PRUNE2: variants seen among roughly 807,000 people sequenced by gnomAD.
PRUNE2 encodes the protein protein prune homolog 2.
In PRUNE2, 164 loss-of-function variants were observed where a neutral mutation model predicts 252.0. The observed-to-expected ratio is 0.65, with a 90% CI of 0.57 to 0.74. The LOEUF is 0.74. PRUNE2 is among the 30% of genes least tolerant of loss of function. PRUNE2 has a pLI of 0.00. For synonymous variants in PRUNE2, 1,292 were observed against 1,350.2 expected (o/e 0.96, Z 0.94); for missense variants, 3,495 against 3,711.0 (o/e 0.94, Z 1.51).
intron 6 of PRUNE2, 159 bp downstream of exon 6, chr9:76,823,473 T>C: frequency 1.6e-6 from 1 of 630,568 alleles, no homozygotes; most frequent in Non-Finnish European, 2.9e-6. Context: ...CATAGTGTTT[T>C]CACCCAAATA....
chr9:76,625,885 T>C (rs1464837351), intron 16 of PRUNE2, among the ~76,000 whole-genome samples: 1 of 152,178 alleles, frequency 6.6e-6, no homozygotes, highest in Non-Finnish European at 1.5e-5. Flanking sequence ...CTTCCAAGCA[T>C]AGGGCTGAAA....
At chr9:76,676,425 C>G (rs1362412844) in intron 9 of PRUNE2, among the ~76,000 whole-genome samples, 1 of 151,576 alleles carries the variant, frequency 6.6e-6, no homozygotes, top group Non-Finnish European at 1.5e-5. Flanking sequence ...CTAATGAAAA[C>G]TCGTTACAAA....
chr9:76,894,717 C>CAAAAAAAAAAAAAAAAA (rs113594017), intron 1 of PRUNE2, among the ~76,000 whole-genome samples: 3 of 120,648 alleles, frequency 2.5e-5, no homozygotes, highest in Admixed American at 8.4e-5. Flanking sequence ...TTTTCTGCAG[C>CAAAAAAAAAAAAAAAAA]AAAAAAAAAA....
At chr9:76,776,910 A>ACACC (rs1357019432) in intron 6 of PRUNE2, among the ~76,000 whole-genome samples, 1 of 147,046 alleles carries the variant, frequency 6.8e-6, no homozygotes, top group Admixed American at 6.9e-5. Flanking sequence ...ACACACACAC[A>ACACC]CACACACACA....
intron 6 of PRUNE2, among the ~76,000 whole-genome samples, chr9:76,815,957 T>C (rs960872733): frequency 6.6e-6 from 1 of 152,058 alleles, no homozygotes; most frequent in Non-Finnish European, 1.5e-5. Flanking sequence ...GTTCAGGAGT[T>C]TGAGACCAGC....
At chr9:76,876,373 G>C (rs115863704) in intron 1 of PRUNE2, among the ~76,000 whole-genome samples, 4,720 of 152,220 alleles carry the variant, frequency 0.031, 258 homozygotes, top group African/African-American at 0.11. Context: ...GAGGCACTGA[G>C]GGTTCCTCCT....
chr9:76,716,766 G>T (rs1415820160), intron 6 of PRUNE2, among the ~76,000 whole-genome samples: 1 of 152,070 alleles, frequency 6.6e-6, no homozygotes, highest in East Asian at 1.9e-4. Context: ...GTGCCATGGT[G>T]GTTTGCTGCA....
intron 1 of PRUNE2, 45 bp downstream of exon 1, chr9:76,905,883 G>T (rs1235633110): frequency 3.1e-6 from 5 of 1,612,754 alleles, no homozygotes; most frequent in South Asian, 1.1e-5. Context: ...CTTTCCATTA[G>T]CATACGCGCG....
chr9:76,896,185 C>A (rs932869277), intron 1 of PRUNE2, among the ~76,000 whole-genome samples: 12 of 152,212 alleles, frequency 7.9e-5, no homozygotes, highest in African/African-American at 2.7e-4. Flanking sequence ...TTTCCATCAT[C>A]CCCTTCTGAG....
intron 1 of PRUNE2, among the ~76,000 whole-genome samples, chr9:76,883,901 T>C (rs921784324): frequency 6.6e-6 from 1 of 152,182 alleles, no homozygotes; most frequent in Admixed American, 6.5e-5. Flanking sequence ...GAGTGGCTCA[T>C]AGAGTGTCTA....
intron 6 of PRUNE2, among the ~76,000 whole-genome samples, chr9:76,768,115 G>A (rs1211257739): frequency 6.6e-6 from 1 of 152,220 alleles, no homozygotes; most frequent in South Asian, 2.1e-4. Flanking sequence ...GCCTGGTGAG[G>A]AGGATCACAT....
Position 76,652,527 on chromosome 9 carries a change from A to G in PRUNE2, c.8513T>C (p.Leu2838Pro), listed in dbSNP as rs1335309156. Residue 2838 changes from leucine to proline, a missense_variant, in exon 11 of 19, where the codon CTT becomes CCT. Coordinates refer to ENST00000376718, the MANE Select transcript of PRUNE2 (RefSeq NM_015225.3). The part of the protein sequence containing the change: ...PDEIDINVDE[L>P]DTPDEADSFE... Reference sequence around the variant, plus strand: ...AGAATCTGCTTCATCGGGGGTATCAAGTTCATCCACATTGATGTCAATTTC... The same window carrying G: ...AGAATCTGCTTCATCGGGGGTATCAGGTTCATCCACATTGATGTCAATTTC... The G allele has an allele frequency of 1.2e-6, 2 of 1,613,432 alleles. No homozygotes were observed. Among genetic ancestry groups the G allele is most frequent in the Non-Finnish European group, 1.7e-6 (2 of 1,179,566 alleles).
In PRUNE2 at chr9:76,713,699, A is replaced by G; in HGVS notation, c.779T>C (p.Ile260Thr). ...TGTAAATGCTTTCAAGTCACTGGTA[A>G]TATTGCTGTGAAATAGACAATTCTG... ...NLENCLFHSN[I>T]TSDLKAFTDK... The change falls in exon 7 of 19, where the codon ATT (isoleucine) becomes ACT (threonine). Residue 260 changes from isoleucine (I) to threonine (T), a missense_variant. By Grantham distance (89) the Ile-to-Thr change is moderately conservative (BLOSUM62 -1). Coordinates refer to ENST00000376718, the MANE Select transcript of PRUNE2 (RefSeq NM_015225.3). 6.3e-7 allele frequency: 1 copy of G among 1,598,326 alleles called. No homozygotes were observed. Among genetic ancestry groups the G allele is most frequent in the East Asian group, 2.2e-5 (1 of 44,610 alleles).
At chr9:76,861,165 G>T (rs1163052620) in intron 1 of PRUNE2, among the ~76,000 whole-genome samples, 1 of 152,190 alleles carries the variant, frequency 6.6e-6, no homozygotes, top group Non-Finnish European at 1.5e-5. Context: ...GAGATGTCCA[G>T]AGGCGAGGCA....
chr9:76,653,683 A>G (rs1241325532), intron 10 of PRUNE2, among the ~76,000 whole-genome samples: 1 of 152,134 alleles, frequency 6.6e-6, no homozygotes, highest in Non-Finnish European at 1.5e-5. Context: ...TACTTCTTTT[A>G]GGTCCTGACA....
intron 6 of PRUNE2, among the ~76,000 whole-genome samples, chr9:76,727,044 C>T (rs1419439933): frequency 6.6e-6 from 1 of 152,226 alleles, no homozygotes; most frequent in African/African-American, 2.4e-5. Context: ...CAGGGTTTCT[C>T]AACCTTGGCA....
intron 4 of PRUNE2, among the ~76,000 whole-genome samples, chr9:76,837,441 A>AAATAATAATTAATAAT (rs1554798656): frequency 3.7e-5 from 5 of 134,826 alleles, no homozygotes; most frequent in African/African-American, 1.3e-4. Flanking sequence ...ACTCTGTCTC[A>AAATAATAATTAATAAT]AATAATAATA....
intron 14 of PRUNE2, 125 bp from the exon 15 acceptor site, chr9:76,636,682 A>G: frequency 1.6e-6 from 1 of 609,286 alleles, no homozygotes; most frequent in Non-Finnish European, 2.9e-6. Context: ...TCATGCCTAT[A>G]ATCCCAGCAC....
chr9:76,850,647 G>A lies in PRUNE2; in HGVS notation c.160C>T (p.Leu54=), dbSNP rs770772660. The A allele has an allele frequency of 1.2e-6, 2 of 1,613,642 alleles. No homozygotes were observed. Among genetic ancestry groups the A allele is most frequent in the South Asian group, 2.2e-5 (2 of 91,040 alleles). ...FLDKVSPPGV[L]CLPVLNIPRT... is the part of the protein sequence containing the mutation. ...GGTATGTTCAGCACTGGTAAACACAGAACCCCTGGTGGACTGACCTACCAA... is the reference window on the plus strand; with the variant it reads ...GGTATGTTCAGCACTGGTAAACACAAAACCCCTGGTGGACTGACCTACCAA... The change falls in exon 3 of 19, where the codon CTG becomes TTG. Residue 54 remains leucine, a synonymous_variant. Coordinates refer to ENST00000376718, the MANE Select transcript of PRUNE2 (RefSeq NM_015225.3).
Sources: allele counts gnomAD v4.1 joint callset (sites outside exome capture counted in the v4.1 genomes callset), GRCh38; gene constraint gnomAD v4.1.1; transcripts MANE v1.5; gene names NCBI Gene and HGNC (gene_info 2026-07-23, HGNC 2026-07-21).